The following HIPK2 variants were observed in gnomAD, a reference collection of about 807,000 sequenced individuals.
HIPK2 encodes the protein homeodomain interacting protein kinase 2.
In HIPK2, 27 loss-of-function variants were observed where a neutral mutation model predicts 113.7. The observed-to-expected ratio is 0.24, with a 90% CI of 0.17 to 0.33. The LOEUF is 0.33. HIPK2 is among the 10% of genes least tolerant of loss of function. The pLI is 1.00. For missense variants in HIPK2, 1,257 were observed against 1,588.0 expected (o/e 0.79, Z 3.54); for synonymous variants, 631 against 642.2 (o/e 0.98, Z 0.26).
intron 2 of HIPK2, among the ~76,000 whole-genome samples, chr7:139,686,876 T>C (rs903824084): frequency 1.3e-5 from 2 of 152,230 alleles, no homozygotes; most frequent in African/African-American, 2.4e-5. Context: ...CAGCATCACA[T>C]GCTACAGAGA....
intron 2 of HIPK2, among the ~76,000 whole-genome samples, chr7:139,646,508 A>G (rs1250293127): frequency 6.8e-6 from 1 of 147,814 alleles, no homozygotes; most frequent in African/African-American, 2.4e-5. Flanking sequence ...TTAAAAAAAA[A>G]AAAAAAAAAA....
At chr7:139,678,479 T>C (rs1430770487) in intron 2 of HIPK2, among the ~76,000 whole-genome samples, 1 of 152,232 alleles carries the variant, frequency 6.6e-6, no homozygotes, top group Admixed American at 6.5e-5. Context: ...GGAGATCAGA[T>C]GGTTGCAGAT....
chr7:139,657,978 C>CT (rs1479486664), intron 2 of HIPK2, among the ~76,000 whole-genome samples: 4 of 152,194 alleles, frequency 2.6e-5, no homozygotes, highest in Non-Finnish European at 5.9e-5. Flanking sequence ...TCACTATCTA[C>CT]TTTGTGTTCC....
chr7:139,682,251 C>G (rs1569473250), intron 2 of HIPK2, among the ~76,000 whole-genome samples: 1 of 152,166 alleles, frequency 6.6e-6, no homozygotes, highest in Admixed American at 6.5e-5. Flanking sequence ...ACCACATGCC[C>G]TCACTCACTC....
chr7:139,672,326 T>C (rs776822608), intron 2 of HIPK2, among the ~76,000 whole-genome samples: 1 of 152,300 alleles, frequency 6.6e-6, no homozygotes, highest in East Asian at 1.9e-4. Flanking sequence ...ATATCTTTCA[T>C]AGCGAGGACC....
At chr7:139,701,644 G>A (rs1049380902) in intron 2 of HIPK2, among the ~76,000 whole-genome samples, 2,673 of 152,230 alleles carry the variant, frequency 0.018, 76 homozygotes, top group African/African-American at 0.06. Context: ...TTCTCTCCCC[G>A]GGTTTAAGAG....
intron 2 of HIPK2, among the ~76,000 whole-genome samples, chr7:139,711,705 G>C (rs1795073716): frequency 6.6e-6 from 1 of 151,278 alleles, no homozygotes; most frequent in Non-Finnish European, 1.5e-5. Context: ...TGGTTCTGCT[G>C]ATAATGGAAA....
intron 1 of HIPK2, among the ~76,000 whole-genome samples, chr7:139,742,634 C>T (rs961252609): frequency 1.3e-5 from 2 of 152,112 alleles, no homozygotes; most frequent in African/African-American, 2.4e-5. Context: ...TTTATCTTAT[C>T]ATTCCAAATG....
At chr7:139,641,419 TCTTC>T (rs1451650867) in intron 2 of HIPK2, among the ~76,000 whole-genome samples, 1 of 152,046 alleles carries the variant, frequency 6.6e-6, no homozygotes, top group Non-Finnish European at 1.5e-5. Flanking sequence ...TCCTCTTGCT[TCTTC>T]CTTGTGTGGA....
chr7:139,763,099 T>C (rs1796494895), intron 1 of HIPK2, among the ~76,000 whole-genome samples: 1 of 152,006 alleles, frequency 6.6e-6, no homozygotes. Context: ...AGGAAACAGC[T>C]GGGAACAGTC....
intron 1 of HIPK2, among the ~76,000 whole-genome samples, chr7:139,755,672 TTC>T (rs1308590411): frequency 6.6e-6 from 1 of 152,232 alleles, no homozygotes; most frequent in Non-Finnish European, 1.5e-5. Flanking sequence ...CACATCCATG[TTC>T]TGTTGGATGC....
At chr7:139,611,658 C>T (rs1231250336) in intron 9 of HIPK2, among the ~76,000 whole-genome samples, 1 of 152,140 alleles carries the variant, frequency 6.6e-6, no homozygotes, top group East Asian at 1.9e-4. Flanking sequence ...CCTTTTGCCT[C>T]AGCCTCCTGT....
chr7:139,588,725 AAG>A (rs2116592484), intron 12 of HIPK2, among the ~76,000 whole-genome samples: 1 of 152,264 alleles, frequency 6.6e-6, no homozygotes. Flanking sequence ...TTAAGAAGAC[AAG>A]GGCAGAGAAA....
At chr7:139,625,992 CAG>C (rs1441397199) in intron 6 of HIPK2, among the ~76,000 whole-genome samples, 5 of 152,330 alleles carry the variant, frequency 3.3e-5, no homozygotes, top group African/African-American at 9.6e-5. Flanking sequence ...CACAGATACC[CAG>C]AGTCAGGTTC....
intron 1 of HIPK2, among the ~76,000 whole-genome samples, chr7:139,736,039 A>C (rs1795929268): frequency 6.6e-6 from 1 of 152,110 alleles, no homozygotes; most frequent in African/African-American, 2.4e-5. Context: ...TTTGGTGCCT[A>C]GTTTCGATTT....
At chr7:139,760,595 G>A (rs1034112935) in intron 1 of HIPK2, among the ~76,000 whole-genome samples, 5 of 151,978 alleles carry the variant, frequency 3.3e-5, no homozygotes, top group Non-Finnish European at 5.9e-5. Context: ...TTGGTATTTC[G>A]AAACTACATT....
chr7:139,665,834 T>C (rs1802030606), intron 2 of HIPK2, among the ~76,000 whole-genome samples: 9 of 152,224 alleles, frequency 5.9e-5, no homozygotes, highest in Admixed American at 5.9e-4. Flanking sequence ...TCAGTTCAGT[T>C]CAAATGTCTG....
chr7:139,674,490 C>A (rs560939734), intron 2 of HIPK2, among the ~76,000 whole-genome samples: 2 of 152,112 alleles, frequency 1.3e-5, no homozygotes, highest in African/African-American at 4.8e-5. Flanking sequence ...AGGTTTTAAA[C>A]GGAAGGCCTT....
At chr7:139,708,483 A>G (rs1186966796) in intron 2 of HIPK2, among the ~76,000 whole-genome samples, 1 of 152,148 alleles carries the variant, frequency 6.6e-6, no homozygotes, top group Admixed American at 6.5e-5. Flanking sequence ...ACCCTGGGTG[A>G]TGATGGGGCA....
Sources: allele counts gnomAD v4.1 joint callset (sites outside exome capture counted in the v4.1 genomes callset), GRCh38; gene constraint gnomAD v4.1.1; transcripts MANE v1.5; gene names NCBI Gene and HGNC (gene_info 2026-07-23, HGNC 2026-07-21).